TPX2: variants seen among roughly 807,000 people sequenced by gnomAD.
TPX2 encodes the protein targeting protein for Xklp2.
A neutral mutation model predicts 93.6 loss-of-function variants in TPX2; 21 were observed. The observed-to-expected ratio is 0.22, with a 90% CI of 0.16 to 0.32. The LOEUF is 0.32. Among genes scored for constraint, TPX2 ranks in the 10% least tolerant of loss-of-function variants. The pLI is 1.00. For missense variants in TPX2, 776 were observed against 871.1 expected (o/e 0.89, Z 1.37); for synonymous variants, 281 against 298.3 (o/e 0.94, Z 0.60).
intron 13 of TPX2, 48 bp from the exon 14 acceptor site, chr20:31,793,800 T>C (rs756787880): frequency 2.7e-6 from 4 of 1,479,944 alleles, no homozygotes; most frequent in East Asian, 4.6e-5. Flanking sequence ...TCTGGGGAAG[T>C]TGGAGAGAGT....
At chr20:31,799,001 T>A (rs1228049323) in intron 17 of TPX2, among the ~76,000 whole-genome samples, 1 of 152,180 alleles carries the variant, frequency 6.6e-6, no homozygotes, top group Non-Finnish European at 1.5e-5. Context: ...TCCTCTGGGG[T>A]TAAGAAGCAC....
At chr20:31,794,628 C>T in intron 15 of TPX2, 80 bp downstream of exon 15, 1 of 1,536,984 alleles carries the variant, frequency 6.5e-7, no homozygotes, top group Non-Finnish European at 8.8e-7. Context: ...ACTGAAATCA[C>T]CTGGGTTAAC....
At chr20:31,748,017 T>C (rs1317855137) in intron 2 of TPX2, among the ~76,000 whole-genome samples, 3 of 152,128 alleles carry the variant, frequency 2.0e-5, no homozygotes, top group Non-Finnish European at 4.4e-5. Context: ...AGTTAGCTTT[T>C]CGTTTTCTTG....
chr20:31,779,228 C>T (rs946820816), intron 10 of TPX2, among the ~76,000 whole-genome samples: 1 of 152,154 alleles, frequency 6.6e-6, no homozygotes, highest in African/African-American at 2.4e-5. Context: ...GTTAAGGTAA[C>T]CTGAGATGTC....
At position 31,744,026 on chromosome 20, in the gene TPX2, GT is replaced by G. The variant is rs550859076; in HGVS notation, c.-71+1387del. Among the ~76,000 whole-genome samples, 373 of 150,794 alleles carry G rather than the reference GT, an allele frequency of 2.5e-3. 1 individual carries two copies. The highest frequency in any genetic ancestry group is 2.1e-3 in the Non-Finnish European group (142 of 67,752). On this transcript the variant is annotated intron_variant, in intron 2 of 17. Coordinates refer to ENST00000300403, the MANE Select transcript of TPX2 (RefSeq NM_012112.5). ...GTGAGCCACCGTGCCTGGCCTTGCA[GT>G]TTTTTTTCCCCCAAATATTTTTGAT... is the stretch of plus-strand genomic sequence containing the variant.
intron 1 of TPX2, among the ~76,000 whole-genome samples, chr20:31,741,079 T>C (rs2061750557): frequency 1.3e-5 from 2 of 152,218 alleles, no homozygotes; most frequent in South Asian, 4.1e-4. Flanking sequence ...TGTCCAGGAT[T>C]ATGTGAGAGA....
chr20:31,770,248 C>G, intron 5 of TPX2, 95 bp from the exon 6 acceptor site: 2 of 869,996 alleles, frequency 2.3e-6, no homozygotes, highest in Non-Finnish European at 3.1e-6. Context: ...TTTTATTGCC[C>G]TTTGTAGTTT....
At chr20:31,748,459 G>A (rs1412160489) in intron 2 of TPX2, among the ~76,000 whole-genome samples, 1 of 152,146 alleles carries the variant, frequency 6.6e-6, no homozygotes, top group African/African-American at 2.4e-5. Flanking sequence ...AAATTTATGG[G>A]AAGATTCAGA....
chr20:31,799,523 C>T (rs950596225), intron 17 of TPX2, among the ~76,000 whole-genome samples: 7 of 152,156 alleles, frequency 4.6e-5, no homozygotes, highest in Non-Finnish European at 1.0e-4. Context: ...TGCATTATCT[C>T]ACATAGTAAC....
At position 31,751,400 on chromosome 20, in the gene TPX2, T is replaced by C. The variant is rs975829091; in HGVS notation, c.-70-6007T>C. ...TGGGAATCCAAGATTTTCCCATGTC[T>C]TCTAGCATATTTGTTCACAAGAAAA... On this transcript the variant is annotated intron_variant, in intron 2 of 17. Transcript: ENST00000300403. Among the ~76,000 whole-genome samples the C allele has an allele frequency of 9.9e-5, 15 of 152,238 alleles. No individual in the cohort carries two copies. The South Asian group carries it at 1.0e-3, about 11-fold the overall frequency.
At chr20:31,796,707 TTTTTTTTTTTTTGGAGGTGGGAAGAATAC>T in intron 15 of TPX2, among the ~76,000 whole-genome samples, 1 of 151,542 alleles carries the variant, frequency 6.6e-6, no homozygotes, top group African/African-American at 2.4e-5. Flanking sequence ...TGGTTAGATT[TTTTTTTTTTTTTGGAGGTGGGAAGAATAC>T]TTTATAGGTG....
At chr20:31,777,362 C>T (rs1600380902) in intron 8 of TPX2, 125 bp from the exon 9 acceptor site, 4 of 1,168,416 alleles carry the variant, frequency 3.4e-6, no homozygotes, top group Admixed American at 5.3e-5. Flanking sequence ...TTTTGGGTTA[C>T]AGGTAGATAG....
intron 8 of TPX2, among the ~76,000 whole-genome samples, chr20:31,776,400 C>T (rs2061999980): frequency 6.6e-6 from 1 of 151,520 alleles, no homozygotes; most frequent in Non-Finnish European, 1.5e-5. Flanking sequence ...TTTGAAGTCT[C>T]TGAAGTAAAT....
intron 6 of TPX2, among the ~76,000 whole-genome samples, chr20:31,771,091 G>C (rs6089067): frequency 0.4 from 60,561 of 151,808 alleles, 15,088 homozygotes; most frequent in African/African-American, 0.7. Flanking sequence ...TAAGTCTTTC[G>C]CAGCAACCCT....
At chr20:31,754,546 G>A (rs1317114045) in intron 2 of TPX2, among the ~76,000 whole-genome samples, 5 of 152,132 alleles carry the variant, frequency 3.3e-5, no homozygotes, top group African/African-American at 1.2e-4. Context: ...GCCCAGAGTT[G>A]GGGAGAGTTT....
chr20:31,763,390 G>A (rs1010898187), intron 4 of TPX2, among the ~76,000 whole-genome samples: 27 of 152,178 alleles, frequency 1.8e-4, no homozygotes, highest in Admixed American at 1.7e-3. Context: ...ATTTTGGCCA[G>A]GCTGGTCTCG....
At chr20:31,751,193 G>C (rs1022594567) in intron 2 of TPX2, among the ~76,000 whole-genome samples, 2 of 152,078 alleles carry the variant, frequency 1.3e-5, no homozygotes, top group Non-Finnish European at 2.9e-5. Context: ...GATGTGAAGG[G>C]TTAAATTTGA....
intron 2 of TPX2, among the ~76,000 whole-genome samples, chr20:31,742,957 G>C (rs982243769): frequency 6.6e-6 from 1 of 152,128 alleles, no homozygotes. Flanking sequence ...GCTTATGTCT[G>C]TAATCCCAGC....
At chr20:31,780,875 T>C in intron 10 of TPX2, 1 of 353,824 alleles carries the variant, frequency 2.8e-6, no homozygotes, top group East Asian at 1.1e-4. Context: ...AATTGGGAGT[T>C]TTCACTTGGT....
Sources: allele counts gnomAD v4.1 joint callset (sites outside exome capture counted in the v4.1 genomes callset), GRCh38; gene constraint gnomAD v4.1.1; transcripts MANE v1.5; gene names NCBI Gene and HGNC (gene_info 2026-07-23, HGNC 2026-07-21).